ABCA4: variants seen among roughly 807,000 people sequenced by gnomAD.
ABCA4 encodes the protein retinal-specific phospholipid-transporting ATPase ABCA4.
A neutral mutation model predicts 263.7 loss-of-function variants in ABCA4; 196 were observed. The ratio of observed to expected loss-of-function variants is 0.74; its 90% CI spans 0.66 to 0.84. The LOEUF is 0.84. Ranked by LOEUF, ABCA4 falls within the 40% of genes least tolerant of loss-of-function variation. The probability of loss-of-function intolerance (pLI) is 0.00; values close to 1 mark genes in which losing one functional copy is unlikely to be tolerated. For missense variants in ABCA4, 2,792 were observed against 2,855.1 expected, an observed-to-expected ratio of 0.98 and a Z score of 0.50; for synonymous variants, 1,133 against 1,094.2, an observed-to-expected ratio of 1.04 and a Z score of -0.70.
chr1:94,059,014 A>G (rs572831970), intron 14 of ABCA4, among the ~76,000 whole-genome samples: 14 of 152,280 alleles, frequency 9.2e-5, no homozygotes, highest in Admixed American at 5.2e-4. Context: ...AGTTCCCACA[A>G]AGAGAAACCC....
At chr1:94,059,940 T>C (rs1421573939) in intron 14 of ABCA4, among the ~76,000 whole-genome samples, 4 of 152,188 alleles carry the variant, frequency 2.6e-5, no homozygotes, top group Non-Finnish European at 5.9e-5. Flanking sequence ...CCTGTGGCTA[T>C]AAAAACTCCT....
chr1:94,077,891 G>A lies in ABCA4; in HGVS notation c.1357-4C>T. 6.2e-7 allele frequency: 1 copy of A among 1,613,354 alleles called. No homozygotes were observed. The highest frequency in any genetic ancestry group is 1.1e-5 in the South Asian group (1 of 91,064). ...CTGTTGGGTTCCCCAGGGTATCCTT[G>A]GGAAGAAGAAATACAGTCACTGCTC... On this transcript the variant is annotated splice_polypyrimidine_tract_variant and splice_region_variant and intron_variant, in intron 10 of 49. Transcript: ENST00000370225.
In ABCA4 at chr1:94,044,066, C is replaced by T. The variant is rs546250194; in HGVS notation, c.3050+547G>A. 5.9e-3 allele frequency among the ~76,000 whole-genome samples: 93 copies of T among 15,852 alleles called. No individual in the cohort carries two copies. In the Middle Eastern group the frequency reaches 0.14, roughly 24 times the overall value. 10.4% of individuals were successfully genotyped at this position (15,852 alleles called of 152,430 possible). A position where few individuals can be genotyped will look rare whatever the true frequency, so the allele number is the denominator to read the frequency against. ...CCTTCTCCCCTCCCTCCCTCCCTCGCTTCCTTCTCCCCTCCCTCCCTCCCT... is the reference window on the plus strand; with the variant it reads ...CCTTCTCCCCTCCCTCCCTCCCTCGTTTCCTTCTCCCCTCCCTCCCTCCCT... On this transcript the variant is annotated intron_variant, in intron 20 of 49. Coordinates refer to ENST00000370225, the MANE Select transcript of ABCA4 (RefSeq NM_000350.3).
At chr1:94,108,479 T>G in intron 4 of ABCA4, 98 bp downstream of exon 4, 2 of 1,561,880 alleles carry the variant, frequency 1.3e-6, no homozygotes, top group Non-Finnish European at 1.8e-6. Context: ...CTGCCTCCGC[T>G]AGTATATTTT....
At chr1:94,084,143 T>C (rs533724666) in intron 6 of ABCA4, among the ~76,000 whole-genome samples, 2 of 152,352 alleles carry the variant, frequency 1.3e-5, no homozygotes, top group East Asian at 1.9e-4. Context: ...GATGTGAACA[T>C]CTGGTTTTCT....
rs1361607044 is a variant in ABCA4, at chr1:94,103,019, T to G, written c.566A>C (p.Glu189Ala). 6.2e-7 allele frequency: 1 copy of G among 1,614,074 alleles called. No homozygotes were observed. Among genetic ancestry groups the G allele is most frequent in the African/African-American group, 1.3e-5 (1 of 74,940 alleles). ...YLLINSQVRP[E>A]QFAHGVPDLA... Reference sequence around the variant, plus strand: ...TGGCCAGTGACATCCCCCTACCTGCTCTGGACGGACTTGAGAGTTGATCAG... The same window carrying G: ...TGGCCAGTGACATCCCCCTACCTGCGCTGGACGGACTTGAGAGTTGATCAG... Residue 189 changes from glutamate to alanine, a missense_variant, in exon 5 of 50, where the codon GAG becomes GCG. Physicochemically the swap from Glu to Ala is moderately radical, Grantham distance 107. Coordinates refer to ENST00000370225, the MANE Select transcript of ABCA4 (RefSeq NM_000350.3).
chr1:94,072,503 A>AG (rs1661428350), intron 11 of ABCA4, among the ~76,000 whole-genome samples: 1 of 152,180 alleles, frequency 6.6e-6, no homozygotes, highest in Non-Finnish European at 1.5e-5. Context: ...AAAAATCCAA[A>AG]GGGGAGGGGT....
Position 93,993,227 on chromosome 1 carries a change from G to T in ABCA4, c.*10C>A, listed in dbSNP as rs145634012. 1.2e-3 allele frequency: 1,988 copies of T among 1,613,904 alleles called. 21 individuals are homozygous for T. The African/African-American group carries it at 0.022, about 18-fold the overall frequency. On this transcript the variant is annotated 3_prime_UTR_variant, in exon 50 of 50. Coordinates refer to ENST00000370225, the MANE Select transcript of ABCA4 (RefSeq NM_000350.3). The stretch of plus-strand genomic sequence containing the variant: ...TCCTTTCTGGCTGCAGGAACGAGCG[G>T]TGTGAAAGATCAGTCCTGTGGAAGG...
chr1:94,008,421 C>A, intron 41 of ABCA4, 124 bp from the exon 42 acceptor site: 1 of 970,212 alleles, frequency 1.0e-6, no homozygotes, highest in Non-Finnish European at 1.6e-6. Flanking sequence ...TACATATTGA[C>A]ATGGGCAGGC....
chr1:94,036,507 G>C (rs1458388095), intron 26 of ABCA4, among the ~76,000 whole-genome samples: 1 of 151,774 alleles, frequency 6.6e-6, no homozygotes, highest in African/African-American at 2.4e-5. Context: ...CTCCCGAGTA[G>C]CTGGAATTAC....
intron 7 of ABCA4, among the ~76,000 whole-genome samples, chr1:94,081,149 TG>T (rs1007831550): frequency 6.6e-5 from 10 of 152,078 alleles, no homozygotes; most frequent in African/African-American, 2.2e-4. Context: ...GGCGTGAACC[TG>T]GGGGGCAGAG....
rs1064793004 is a variant in ABCA4, at chr1:94,112,968, C to G, written c.160+5G>C. The G allele has an allele frequency of 6.2e-7, 1 of 1,611,532 alleles. No individual in the cohort carries two copies. Among genetic ancestry groups the G allele is most frequent in the Non-Finnish European group, 8.5e-7 (1 of 1,177,582 alleles). On this transcript the variant is annotated splice_donor_5th_base_variant and intron_variant, in intron 2 of 49. Transcript: ENST00000370225. The stretch of plus-strand genomic sequence containing the variant: ...GGCTTGCCCAAGCTACCCTGCTATG[C>G]TTACATTCATGATGGCTGTAGAGTG...
intron 5 of ABCA4, among the ~76,000 whole-genome samples, chr1:94,100,639 C>A (rs1662261058): frequency 6.6e-6 from 1 of 152,120 alleles, no homozygotes; most frequent in African/African-American, 2.4e-5. Context: ...TGGGGGTGAG[C>A]CAGAGAACTG....
chr1:94,060,433 G>A (rs925864471), intron 14 of ABCA4, 104 bp downstream of exon 14: 9 of 1,087,060 alleles, frequency 8.3e-6, no homozygotes, highest in African/African-American at 3.1e-5. Context: ...TAGATGTCAC[G>A]CTCTCCTTGG....
Position 94,044,701 on chromosome 1 carries a change from G to A in ABCA4, c.2962C>T (p.Leu988Phe). ...GTTTCAATGTCCCTTCCCCCAACGA[G>A]CACAGTCCCAGAGGTTGGTGGCAAC... ...GLLPPTSGTV[L>F]VGGRDIETSL... is the part of the protein sequence containing the mutation. The change falls in exon 20 of 50, where the codon CTC becomes TTC. Residue 988 changes from leucine to phenylalanine, a missense_variant. Physicochemically the swap from Leu to Phe is conservative, Grantham distance 22. Coordinates refer to ENST00000370225, the MANE Select transcript of ABCA4 (RefSeq NM_000350.3). 6.2e-7 allele frequency: 1 copy of A among 1,614,230 alleles called. No individual in the cohort carries two copies.
At chr1:94,042,627 C>T (rs1428403167) in intron 22 of ABCA4, 134 bp downstream of exon 22, 1 of 1,251,642 alleles carries the variant, frequency 8.0e-7, no homozygotes, top group East Asian at 2.5e-5. Context: ...TTCACCAAGT[C>T]ACTGATAAAC....
chr1:94,061,947 A>G (rs1208830359), intron 13 of ABCA4, among the ~76,000 whole-genome samples: 1 of 151,620 alleles, frequency 6.6e-6, no homozygotes, highest in Non-Finnish European at 1.5e-5. Context: ...TGAGCCTCCC[A>G]ACCCTCCACC....
intron 44 of ABCA4, among the ~76,000 whole-genome samples, chr1:94,002,811 C>A (rs542170859): frequency 2.0e-5 from 3 of 152,272 alleles, no homozygotes; most frequent in African/African-American, 7.2e-5. Flanking sequence ...GTTACTTTTC[C>A]CTGAGGACTT....
intron 17 of ABCA4, 92 bp from the exon 18 acceptor site, chr1:94,049,049 A>T (rs536798904): frequency 9.5e-6 from 12 of 1,258,204 alleles, no homozygotes; most frequent in Non-Finnish European, 1.4e-5. Context: ...GGAGCAAATG[A>T]GTTTCCTAGC....
Sources: allele counts gnomAD v4.1 joint callset (sites outside exome capture counted in the v4.1 genomes callset), GRCh38; gene constraint gnomAD v4.1.1; transcripts MANE v1.5; gene names NCBI Gene and HGNC (gene_info 2026-07-23, HGNC 2026-07-21).